ALS2: variants seen among roughly 807,000 people sequenced by gnomAD.
ALS2 encodes the protein alsin.
Under a neutral mutation model 203.4 loss-of-function variants are expected in ALS2, and 117 were observed. The ratio of observed to expected loss-of-function variants is 0.58; its 90% CI spans 0.50 to 0.67. The LOEUF (loss-of-function observed/expected upper bound fraction) is 0.67. ALS2 is among the 30% of genes least tolerant of loss of function. ALS2 has a pLI of 0.00. For missense variants in ALS2, 1,715 were observed against 1,989.4 expected, an observed-to-expected ratio of 0.86 and a Z score of 2.62; for synonymous variants, 718 against 725.9, an observed-to-expected ratio of 0.99 and a Z score of 0.17.
rs748323430 is a variant in ALS2, at chr2:201,753,246, A to T, written c.1641-4T>A. ...TTTTACACACAACGGTTGAAGCCTTAAAAAGAAACACACAGGCACACAAAG... is the reference window on the plus strand; with the variant it reads ...TTTTACACACAACGGTTGAAGCCTTTAAAAGAAACACACAGGCACACAAAG... On this transcript the variant is annotated splice_region_variant and splice_polypyrimidine_tract_variant and intron_variant, in intron 6 of 33. Coordinates refer to ENST00000264276, the MANE Select transcript of ALS2 (RefSeq NM_020919.4). The T allele has an allele frequency of 3.7e-6, 6 of 1,611,832 alleles. No homozygotes were observed. The African/African-American group carries it at 8.0e-5, about 22-fold the overall frequency.
chr2:201,744,765 C>A (rs1692519966), intron 9 of ALS2, among the ~76,000 whole-genome samples: 1 of 151,970 alleles, frequency 6.6e-6, no homozygotes. Context: ...TTTCACATTA[C>A]AACTGTTTGG....
At chr2:201,777,390 A>C (rs1694707954) in intron 1 of ALS2, among the ~76,000 whole-genome samples, 1 of 152,122 alleles carries the variant, frequency 6.6e-6, no homozygotes, top group Non-Finnish European at 1.5e-5. Context: ...ATTGCAGGGA[A>C]AGAAGAGTTC....
chr2:201,729,141 A>G lies in ALS2; in HGVS notation c.2623T>C (p.Tyr875His), dbSNP rs1388670520. 2.5e-6 allele frequency: 4 copies of G among 1,613,982 alleles called. No individual in the cohort carries two copies. The highest frequency in any genetic ancestry group is 3.4e-6 in the Non-Finnish European group (4 of 1,180,012). ...CCGAGATGGAGAGCAAGACACTCAT[A>G]ACAAGAACTGGAATCCTGCAGTTTC... ...YQKLQDSSSCYECLALHLGRK... is the reference protein window; with the variant it reads ...YQKLQDSSSCHECLALHLGRK... Residue 875 changes from tyrosine (Y) to histidine (H), a missense_variant, in exon 14 of 34, where the codon TAT (tyrosine) becomes CAT (histidine). Transcript: ENST00000264276.
chr2:201,701,805 A>T lies in ALS2; in HGVS notation c.*46T>A, dbSNP rs560762186. ...CTACAGGAAGACTCCAGATGGTGTT[A>T]TAACACTCTGTAGTAGATAATCCAG... On this transcript the variant is annotated 3_prime_UTR_variant, in exon 34 of 34. Coordinates refer to ENST00000264276, the MANE Select transcript of ALS2 (RefSeq NM_020919.4). 6.3e-7 allele frequency: 1 copy of T among 1,587,530 alleles called. No homozygotes were observed. Among genetic ancestry groups the T allele is most frequent in the Non-Finnish European group, 8.6e-7 (1 of 1,156,164 alleles).
intron 4 of ALS2, among the ~76,000 whole-genome samples, chr2:201,758,067 G>A (rs1002321344): frequency 4.6e-5 from 7 of 152,094 alleles, no homozygotes; most frequent in African/African-American, 1.7e-4. Context: ...AAAAAGGGAG[G>A]GAGAAGAAAA....
chr2:201,753,023 G>A, intron 7 of ALS2, 123 bp downstream of exon 7: 2 of 845,962 alleles, frequency 2.4e-6, no homozygotes, highest in Non-Finnish European at 4.1e-6. Flanking sequence ...ATATTGGAAA[G>A]CTAAAATGAG....
At chr2:201,746,512 A>G (rs1361526301) in intron 9 of ALS2, 54 bp downstream of exon 9, 3 of 1,597,580 alleles carry the variant, frequency 1.9e-6, no homozygotes, top group African/African-American at 2.7e-5. Flanking sequence ...AACAAAAACA[A>G]AAGACTTCTT....
At chr2:201,744,618 A>T (rs1009425762) in intron 9 of ALS2, among the ~76,000 whole-genome samples, 189 bp from the exon 10 acceptor site, 3 of 152,098 alleles carry the variant, frequency 2.0e-5, no homozygotes, top group Non-Finnish European at 2.9e-5. Context: ...ACCACAGACT[A>T]GGGTTTTTTT....
At chr2:201,747,691 C>T (rs1268189257) in intron 8 of ALS2, among the ~76,000 whole-genome samples, 6 of 152,130 alleles carry the variant, frequency 3.9e-5, no homozygotes, top group African/African-American at 9.7e-5. Context: ...CCTCATGATT[C>T]GCCCGCCTCA....
rs1300858617 is a variant in ALS2, at chr2:201,704,241, C to T, written c.4839-23G>A. The T allele has an allele frequency of 3.1e-6, 5 of 1,601,038 alleles. No homozygotes were observed. The African/African-American group carries it at 4.0e-5, about 13-fold the overall frequency. ...ATCCTGCCCCAGAGAGAAAAAGATG[C>T]TGAGTTATTTTCACTTACATGTCCA... is the stretch of plus-strand genomic sequence containing the variant. On this transcript the variant is annotated intron_variant, in intron 32 of 33. Coordinates refer to ENST00000264276, the MANE Select transcript of ALS2 (RefSeq NM_020919.4).
In ALS2 at chr2:201,703,318, C is replaced by T. The variant is rs185030170; in HGVS notation, c.4935+804G>A. ...CCTCCAAAACTGCTAATAAGCTATCCAATACTTTGTTTTACCATTTGTTAA... is the reference window on the plus strand; with the variant it reads ...CCTCCAAAACTGCTAATAAGCTATCTAATACTTTGTTTTACCATTTGTTAA... On this transcript the variant is annotated intron_variant, in intron 33 of 33. Transcript: ENST00000264276. Among the ~76,000 whole-genome samples the T allele has an allele frequency of 2.4e-4, 37 of 152,096 alleles. No homozygotes were observed. The East Asian group carries it at 3.3e-3, about 14-fold the overall frequency.
At chr2:201,764,285 A>G (rs556679484) in intron 3 of ALS2, among the ~76,000 whole-genome samples, 2 of 152,314 alleles carry the variant, frequency 1.3e-5, no homozygotes, top group East Asian at 1.9e-4. Flanking sequence ...AAAGAAATGG[A>G]TATTTAGATC....
At chr2:201,726,115 A>C (rs1691147667) in intron 19 of ALS2, among the ~76,000 whole-genome samples, 1 of 152,202 alleles carries the variant, frequency 6.6e-6, no homozygotes, top group African/African-American at 2.4e-5. Flanking sequence ...ACTTAAAACG[A>C]CTGAAAGGAA....
rs764566506 is a variant in ALS2 at position 201,749,731 on chromosome 2, G to A, written c.1796C>T (p.Thr599Ile). 6.2e-7 allele frequency: 1 copy of A among 1,613,920 alleles called. No individual in the cohort carries two copies. The highest frequency in any genetic ancestry group is 1.7e-5 in the Admixed American group (1 of 59,994). Reference protein sequence around the residue: ...GQLGHSDFPTTVPRLAKISSE... With the variant: ...GQLGHSDFPTIVPRLAKISSE... ...AAGTACCTTTGCAAGACGAGGAACT[G>A]TTGTTGGAAAATCGGAATGCCCAAG... Residue 599 changes from threonine (T) to isoleucine (I), a missense_variant, in exon 8 of 34, where the codon ACA becomes ATA. Thr to Ile is a moderately conservative substitution (Grantham distance 89). Around this residue, in one of 3 missense-constraint regions of ALS2, gnomAD observed 1,227 missense variants for 1,413.5 expected, o/e 0.87. Transcript: ENST00000264276.
In ALS2 at chr2:201,746,615, G is replaced by A. The variant is rs1559069412; in HGVS notation, c.1949C>T (p.Pro650Leu). 1.2e-6 allele frequency: 2 copies of A among 1,614,158 alleles called. No homozygotes were observed. The highest frequency in any genetic ancestry group is 1.7e-6 in the Non-Finnish European group (2 of 1,180,034). The change falls in exon 9 of 34, where the codon CCA becomes CTA. Residue 650 changes from proline (P) to leucine (L), a missense_variant. Pro to Leu is a moderately conservative substitution (Grantham distance 98). Around this residue, in one of 3 missense-constraint regions of ALS2, gnomAD observed 1,227 missense variants for 1,413.5 expected, o/e 0.87. Coordinates refer to ENST00000264276, the MANE Select transcript of ALS2 (RefSeq NM_020919.4). ...RQDPTEGDNL[P>L]ENHSGSKTPV... ...AGTCTTAGAACCACTGTGATTCTCTGGAAGGTTGTCACCTTCTGTAGGGTC... is the reference window on the plus strand; with the variant it reads ...AGTCTTAGAACCACTGTGATTCTCTAGAAGGTTGTCACCTTCTGTAGGGTC...
intron 7 of ALS2, among the ~76,000 whole-genome samples, chr2:201,751,356 A>G (rs1693042517): frequency 6.6e-6 from 1 of 152,172 alleles, no homozygotes. Context: ...ATCAATGCTC[A>G]GCATTGAATG....
Position 201,772,587 on chromosome 2 carries a change from T to A in ALS2, c.-60-3642A>T, listed in dbSNP as rs186601977. Among the ~76,000 whole-genome samples the A allele has an allele frequency of 2.1e-3, 325 of 152,304 alleles. 1 individual carries two copies. The highest frequency in any genetic ancestry group is 7.4e-3 in the African/African-American group (308 of 41,578). ...CACAGATCCCACAGGAAGTGTTATA[T>A]AATATATAGTTTATGCATCTTACTC... On this transcript the variant is annotated intron_variant, in intron 1 of 33. Transcript: ENST00000264276.
chr2:201,709,151 T>C (rs908610862), intron 27 of ALS2, among the ~76,000 whole-genome samples: 9 of 152,234 alleles, frequency 5.9e-5, no homozygotes, highest in African/African-American at 1.7e-4. Context: ...CCTGGAACTC[T>C]CTTCCCAAAG....
Position 201,777,426 on chromosome 2 carries a change from G to A in ALS2, c.-61+3451C>T, listed in dbSNP as rs931519393. ...TTTTTCCACAGTCTCCTAATTTGAG[G>A]GTACAAAGTAAAATAAAGCAAACAT... On this transcript the variant is annotated intron_variant, in intron 1 of 33. Coordinates refer to ENST00000264276, the MANE Select transcript of ALS2 (RefSeq NM_020919.4). 6.6e-5 allele frequency among the ~76,000 whole-genome samples: 10 copies of A among 151,760 alleles called. 1 individual carries two copies. The highest frequency in any genetic ancestry group is 4.4e-5 in the Non-Finnish European group (3 of 67,936).
Sources: allele counts gnomAD v4.1 joint callset (sites outside exome capture counted in the v4.1 genomes callset), GRCh38; gene constraint gnomAD v4.1.1; regional missense constraint gnomAD v4.1.1; transcripts MANE v1.5; gene names NCBI Gene and HGNC (gene_info 2026-07-23, HGNC 2026-07-21).